Variants in PCNX4 observed in about 807,000 individuals in gnomAD.
The protein encoded by PCNX4 is pecanex 4.
Under a neutral mutation model 107.2 loss-of-function variants are expected in PCNX4, and 103 were observed. That is an observed-to-expected ratio of 0.96 (90% CI 0.82 to 1.13). PCNX4 has a LOEUF of 1.13. Among genes scored for constraint, PCNX4 ranks in the 50% most tolerant of loss-of-function variants. The pLI, the probability that PCNX4 is intolerant of heterozygous loss-of-function variation, is 0.00. For missense variants in PCNX4, 1,528 were observed against 1,379.4 expected (o/e 1.11, Z -1.71); for synonymous variants, 541 against 481.7 (o/e 1.12, Z -1.61).
In PCNX4 at chr14:60,145,419, A is replaced by C. The variant is rs1896373466; in HGVS notation, c.*11198A>C. On this transcript the variant is annotated 3_prime_UTR_variant, in exon 11 of 11. Coordinates refer to ENST00000406854, the MANE Select transcript of PCNX4 (RefSeq NM_001330177.2). This position sits in a 1 kb window ranked among gnomAD's most constrained non-coding sequence, Gnocchi z 4.0. Reference sequence around the variant, plus strand: ...TGTGGCCAGGCAGGCACTGTGGCTCATGCCTGTAATCCCAGCACTTTGGGA... The same window carrying C: ...TGTGGCCAGGCAGGCACTGTGGCTCCTGCCTGTAATCCCAGCACTTTGGGA... The C allele has an allele frequency of 6.5e-6, 1 of 152,944 alleles. No homozygotes were observed. Among genetic ancestry groups the C allele is most frequent in the African/African-American group, 2.4e-5 (1 of 41,468 alleles). The allele number at this position is 152,944 out of a possible 1,614,324, so 9.5% of individuals were successfully genotyped here.
At chr14:60,123,751 G>C (rs1895996486) in intron 8 of PCNX4, among the ~76,000 whole-genome samples, 1 of 152,084 alleles carries the variant, frequency 6.6e-6, no homozygotes, top group Non-Finnish European at 1.5e-5. Flanking sequence ...TATAAATCTG[G>C]AACAGGAGAC....
intron 1 of PCNX4, among the ~76,000 whole-genome samples, chr14:60,093,171 A>G (rs922567914): frequency 2.6e-5 from 4 of 152,110 alleles, no homozygotes; most frequent in Admixed American, 6.5e-5. Context: ...CTAATTATTA[A>G]CTGCTGTGGA....
Position 60,107,642 on chromosome 14 carries a change from A to G in PCNX4, c.4A>G (p.Ser2Gly). The G allele has an allele frequency of 1.2e-6, 2 of 1,603,182 alleles. No individual in the cohort carries two copies. Among genetic ancestry groups the G allele is most frequent in the Admixed American group, 1.7e-5 (1 of 58,920 alleles). The change falls in exon 2 of 11, where the codon AGT (serine) becomes GGT (glycine). Residue 2 changes from serine (S) to glycine (G), a missense_variant. Ser to Gly is a moderately conservative substitution (Grantham distance 56). Transcript: ENST00000406854. M[S>G]PDVPLLNDYK... ...TTCAGAATAATCCCGAGTGAGGATG[A>G]GTCCAGATGTGCCTCTACTGAATGA...
rs1322536863 is a variant in PCNX4, at chr14:60,129,898, CGAGA to C, written c.3268-4069_3268-4066del. Among the ~76,000 whole-genome samples, 4 of 151,530 alleles carry C rather than the reference CGAGA, an allele frequency of 2.6e-5. No homozygotes were observed. The East Asian group carries it at 7.7e-4, about 29-fold the overall frequency. On this transcript the variant is annotated intron_variant, in intron 10 of 10. Transcript: ENST00000406854. ...ATGGCATATTACAAAATAGTCAATA[CGAGA>C]GAAAGTCACGAAAGAGGGATAAAAG...
chr14:60,138,469 G>A lies in PCNX4; in HGVS notation c.*4248G>A, dbSNP rs1017332319. ...ACACAAAAAGAAAATCATTAAAGGA[G>A]CCAGACAATGATAAAAGACATTACT... On this transcript the variant is annotated 3_prime_UTR_variant, in exon 11 of 11. Transcript: ENST00000406854. The A allele has an allele frequency of 6.6e-6, 1 of 152,082 alleles. No individual in the cohort carries two copies. The highest frequency in any genetic ancestry group is 1.5e-5 in the Non-Finnish European group (1 of 68,016). 9.4% of individuals were successfully genotyped at this position (152,082 alleles called of 1,614,324 possible).
chr14:60,106,641 G>T (rs142809559), intron 1 of PCNX4, among the ~76,000 whole-genome samples: 2 of 152,262 alleles, frequency 1.3e-5, no homozygotes, highest in African/African-American at 4.8e-5. Context: ...GTGATCTAAG[G>T]TACTAATTCT....
chr14:60,092,745 A>G (rs1895329704), intron 1 of PCNX4, among the ~76,000 whole-genome samples: 1 of 152,126 alleles, frequency 6.6e-6, no homozygotes, highest in Admixed American at 6.5e-5. Context: ...CTCTCGCAAT[A>G]TCTCCAACTA....
In PCNX4 at chr14:60,144,875, T is replaced by G; in HGVS notation, c.*10654T>G. 1 of 1,074,970 alleles carries G rather than the reference T, an allele frequency of 9.3e-7. No homozygotes were observed. The allele number at this position is 1,074,970 out of a possible 1,614,324, so 66.6% of individuals were successfully genotyped here. ...TCTATTAAAAAGTAAAATCACAAATTAGTCTTTGATTATTCAGAAGCATAA... is the reference window on the plus strand; with the variant it reads ...TCTATTAAAAAGTAAAATCACAAATGAGTCTTTGATTATTCAGAAGCATAA... On this transcript the variant is annotated 3_prime_UTR_variant, in exon 11 of 11. Coordinates refer to ENST00000406854, the MANE Select transcript of PCNX4 (RefSeq NM_001330177.2).
chr14:60,109,965 T>A (rs1454366850), intron 2 of PCNX4: 2 of 167,002 alleles, frequency 1.2e-5, no homozygotes, highest in East Asian at 3.8e-4. Context: ...TCTAGTAAAA[T>A]GTGAAAGGAG....
Position 60,092,276 on chromosome 14 carries a change from C to G in PCNX4, c.-197C>G, listed in dbSNP as rs1019442767. On this transcript the variant is annotated 5_prime_UTR_variant, in exon 1 of 11. Transcript: ENST00000406854. ...CTGGCCCGGGCGGGGCCGCGGTGAG[C>G]TCGTTATTCGGCCGCCGCAGCTTTT... 5 of 152,288 alleles carry G rather than the reference C, an allele frequency of 3.3e-5. No individual in the cohort carries two copies. Among genetic ancestry groups the G allele is most frequent in the African/African-American group, 1.2e-4 (5 of 41,476 alleles). 9.4% of individuals were successfully genotyped at this position (152,288 alleles called of 1,614,324 possible).
At chr14:60,097,308 C>G (rs1895443767) in intron 1 of PCNX4, among the ~76,000 whole-genome samples, 1 of 152,148 alleles carries the variant, frequency 6.6e-6, no homozygotes, top group African/African-American at 2.4e-5. Context: ...GGATACATCA[C>G]ACTTGAGTCA....
chr14:60,124,876 T>C lies in PCNX4; in HGVS notation c.2705T>C (p.Phe902Ser). 6 of 1,613,794 alleles carry C rather than the reference T, an allele frequency of 3.7e-6. No individual in the cohort carries two copies. The highest frequency in any genetic ancestry group is 5.1e-6 in the Non-Finnish European group (6 of 1,179,764). The change falls in exon 9 of 11, where the codon TTC becomes TCC. Residue 902 changes from phenylalanine to serine, a missense_variant. Physicochemically the swap from Phe to Ser is radical, Grantham distance 155. Coordinates refer to ENST00000406854, the MANE Select transcript of PCNX4 (RefSeq NM_001330177.2). ...EDMPYIPLME[F>S]SCSHSHLVCL... ...ATGCCATATATTCCTCTCATGGAGT[T>C]CAGTTGTTCACATTCTCACTTAGTA...
At chr14:60,114,641 C>T in intron 2 of PCNX4, 59 bp from the exon 3 acceptor site, 1 of 1,390,172 alleles carries the variant, frequency 7.2e-7, no homozygotes, top group Non-Finnish European at 9.7e-7. Context: ...TTTGCTTTTT[C>T]TTAAAAGATC....
At chr14:60,112,357 C>A (rs1895755550) in intron 2 of PCNX4, among the ~76,000 whole-genome samples, 1 of 152,032 alleles carries the variant, frequency 6.6e-6, no homozygotes, top group Non-Finnish European at 1.5e-5. Context: ...ATCTTAAAAA[C>A]TGAGATTTTT....
In PCNX4 at chr14:60,145,889, A is replaced by G. The variant is rs911490334; in HGVS notation, c.*11668A>G. 1 of 151,958 alleles carries G rather than the reference A, an allele frequency of 6.6e-6. No individual in the cohort carries two copies. Among genetic ancestry groups the G allele is most frequent in the Admixed American group, 6.6e-5 (1 of 15,236 alleles). 9.4% of individuals were successfully genotyped at this position (151,958 alleles called of 1,614,324 possible). On this transcript the variant is annotated 3_prime_UTR_variant, in exon 11 of 11. Coordinates refer to ENST00000406854, the MANE Select transcript of PCNX4 (RefSeq NM_001330177.2). This position sits in a 1 kb window ranked among gnomAD's most constrained non-coding sequence, Gnocchi z 4.0. The stretch of plus-strand genomic sequence containing the variant: ...CTGTTCTTGATCCCTAAAAATAATA[A>G]AGATTCATAAAAACAAAGTTCCAGA...
chr14:60,100,358 G>A (rs985900365), intron 1 of PCNX4, among the ~76,000 whole-genome samples: 17 of 152,012 alleles, frequency 1.1e-4, no homozygotes, highest in Admixed American at 5.2e-4. Flanking sequence ...GAGTGTAATC[G>A]CGCCATCTTG....
At position 60,131,953 on chromosome 14, in the gene PCNX4, C is replaced by T. The variant is rs567058094; in HGVS notation, c.3268-2017C>T. On this transcript the variant is annotated intron_variant, in intron 10 of 10. Coordinates refer to ENST00000406854, the MANE Select transcript of PCNX4 (RefSeq NM_001330177.2). ...ACCATTCACTGGGGAAATCATCTTC[C>T]GATAGCAACATTCAAAAGAATAATG... 3.3e-5 allele frequency among the ~76,000 whole-genome samples: 5 copies of T among 152,246 alleles called. No homozygotes were observed. In the East Asian group the frequency reaches 9.6e-4, roughly 29 times the overall value.
chr14:60,113,703 G>A (rs566315241), intron 2 of PCNX4, among the ~76,000 whole-genome samples: 192 of 152,224 alleles, frequency 1.3e-3, no homozygotes, highest in Non-Finnish European at 2.0e-3. Flanking sequence ...TGGATTTCCC[G>A]TAGTTTGGGT....
intron 6 of PCNX4, 34 bp downstream of exon 6, chr14:60,116,094 T>C (rs761883443): frequency 4.0e-6 from 6 of 1,517,700 alleles, no homozygotes; most frequent in Middle Eastern, 1.7e-4. Context: ...TACTGAAATA[T>C]ATTTTACATA....
Sources: gnomAD v4.1 joint callset for allele counts (sites outside exome capture counted in the v4.1 genomes callset) on GRCh38, gnomAD v4.1.1 for gene constraint, Gnocchi (gnomAD v3.1) non-coding constraint, MANE v1.5 for transcripts, NCBI Gene and HGNC (gene_info 2026-07-23, HGNC 2026-07-21) for gene names.